STAC: variants seen among roughly 807,000 people sequenced by gnomAD.
The protein encoded by STAC is SH3 and cysteine rich domain, also known as SH3 and cysteine-rich domain-containing protein.
In STAC, 43 loss-of-function variants were observed where a neutral mutation model predicts 48.8. That is an observed-to-expected ratio of 0.88 (90% CI 0.69 to 1.14). STAC has a LOEUF of 1.14. Among genes scored for constraint, STAC ranks in the 50% most tolerant of loss-of-function variants. The pLI is 0.00. For missense variants in STAC, 497 were observed against 504.0 expected, an observed-to-expected ratio of 0.99 and a Z score of 0.13; for synonymous variants, 193 against 179.5, an observed-to-expected ratio of 1.07 and a Z score of -0.60.
At chr3:36,448,144 A>G (rs1398804525) in intron 2 of STAC, among the ~76,000 whole-genome samples, 1 of 146,688 alleles carries the variant, frequency 6.8e-6, no homozygotes, top group Non-Finnish European at 1.5e-5. Context: ...AATCCTACTA[A>G]TTATGGTCAC....
chr3:36,440,524 G>A (rs912447368), intron 1 of STAC, among the ~76,000 whole-genome samples: 7 of 152,192 alleles, frequency 4.6e-5, no homozygotes, highest in African/African-American at 1.7e-4. Flanking sequence ...AGTTTGGTAG[G>A]TTTCTAGAGG....
chr3:36,429,733 G>C (rs1033109649), intron 1 of STAC, among the ~76,000 whole-genome samples: 1 of 152,176 alleles, frequency 6.6e-6, no homozygotes, highest in East Asian at 1.9e-4. Flanking sequence ...CAGGCCTCAG[G>C]GTCCACAGGA....
At chr3:36,445,122 G>C (rs1696472131) in intron 2 of STAC, among the ~76,000 whole-genome samples, 1 of 152,162 alleles carries the variant, frequency 6.6e-6, no homozygotes, top group African/African-American at 2.4e-5. Flanking sequence ...AAAGACAGAG[G>C]ATGTGTTTTT....
At chr3:36,530,764 T>A (rs544041261) in intron 10 of STAC, among the ~76,000 whole-genome samples, 1 of 151,874 alleles carries the variant, frequency 6.6e-6, no homozygotes, top group South Asian at 2.1e-4. Context: ...CCTGGCTAAT[T>A]TTTTTATATT....
chr3:36,386,552 T>C (rs1203953031), intron 1 of STAC, among the ~76,000 whole-genome samples: 1 of 152,068 alleles, frequency 6.6e-6, no homozygotes, highest in Non-Finnish European at 1.5e-5. Context: ...TTAGATATTC[T>C]ATTATTATTT....
chr3:36,516,158 A>G lies in STAC; in HGVS notation c.920+10324A>G, dbSNP rs866078492. On this transcript the variant is annotated intron_variant, in intron 8 of 10. Coordinates refer to ENST00000273183, the MANE Select transcript of STAC (RefSeq NM_003149.3). ...GCCACCACGCCCCACTAATTTTTGC[A>G]TTTTTAGTAGAAACGGGGTTTCATC... 5.3e-5 allele frequency among the ~76,000 whole-genome samples: 8 copies of G among 151,404 alleles called. No homozygotes were observed. In the Middle Eastern group the frequency reaches 0.01, roughly 193 times the overall value.
chr3:36,385,896 T>C (rs764345533), intron 1 of STAC, among the ~76,000 whole-genome samples: 2 of 152,124 alleles, frequency 1.3e-5, no homozygotes, highest in Admixed American at 1.3e-4. Context: ...ACTCTACTGA[T>C]GATGGACATT....
At chr3:36,423,681 T>C (rs147053073) in intron 1 of STAC, among the ~76,000 whole-genome samples, 1,564 of 152,238 alleles carry the variant, frequency 0.01, 17 homozygotes, top group Non-Finnish European at 0.018. Context: ...AGTTTCTTTT[T>C]TTGTACTGTA....
In STAC at chr3:36,529,220, G is replaced by A. The variant is rs563205907; in HGVS notation, c.1110+235G>A. The A allele has an allele frequency of 1.4e-4, 41 of 292,190 alleles. No individual in the cohort carries two copies. In the South Asian group the frequency reaches 3.2e-3, roughly 23 times the overall value. The allele number at this position is 292,190 out of a possible 1,614,324, so 18.1% of individuals were successfully genotyped here. On this transcript the variant is annotated intron_variant, in intron 10 of 10. Coordinates refer to ENST00000273183, the MANE Select transcript of STAC (RefSeq NM_003149.3). ...TAAACGAAACGTGATAGTGGCAGGC[G>A]ACGACATCTCGTCCCCCATGCTCTT...
At chr3:36,518,758 C>T (rs1261344113) in intron 8 of STAC, among the ~76,000 whole-genome samples, 1 of 152,176 alleles carries the variant, frequency 6.6e-6, no homozygotes, top group African/African-American at 2.4e-5. Context: ...TTTCAAAGCA[C>T]TACTTTAAAA....
At chr3:36,485,489 G>T (rs1697780505) in intron 4 of STAC, among the ~76,000 whole-genome samples, 1 of 152,132 alleles carries the variant, frequency 6.6e-6, no homozygotes, top group Admixed American at 6.5e-5. Context: ...ATAAATATAG[G>T]TTATTCACCC....
chr3:36,454,980 CTTGTA>C (rs1405609349), intron 2 of STAC, among the ~76,000 whole-genome samples: 1 of 152,082 alleles, frequency 6.6e-6, no homozygotes, highest in Non-Finnish European at 1.5e-5. Context: ...TAAAAAGAGA[CTTGTA>C]TTGTAGGAGC....
intron 10 of STAC, among the ~76,000 whole-genome samples, chr3:36,544,909 A>G (rs945898929): frequency 3.3e-5 from 5 of 152,232 alleles, no homozygotes; most frequent in Admixed American, 1.3e-4. Flanking sequence ...TTTCTCACAC[A>G]GTAGATCTCT....
rs559856972 is a variant in STAC, at chr3:36,429,160, G to A, written c.112-14204G>A. Among the ~76,000 whole-genome samples the A allele has an allele frequency of 3.9e-5, 6 of 152,228 alleles. No homozygotes were observed. In the East Asian group the frequency reaches 1.2e-3, roughly 29 times the overall value. ...AGTCAAGGATGATTCCAAGGTTTGA[G>A]GTCTATTAACTAGATAAAATGCTAT... is the stretch of plus-strand genomic sequence containing the variant. On this transcript the variant is annotated intron_variant, in intron 1 of 10. Coordinates refer to ENST00000273183, the MANE Select transcript of STAC (RefSeq NM_003149.3).
intron 2 of STAC, among the ~76,000 whole-genome samples, chr3:36,482,343 G>C (rs987503228): frequency 6.6e-6 from 1 of 152,164 alleles, no homozygotes; most frequent in Non-Finnish European, 1.5e-5. Context: ...GAAGATACCA[G>C]GATGGCTCTC....
chr3:36,408,377 G>A (rs1229145146), intron 1 of STAC, among the ~76,000 whole-genome samples: 1 of 151,902 alleles, frequency 6.6e-6, no homozygotes, highest in East Asian at 1.9e-4. Flanking sequence ...CTCCACCAGG[G>A]GTCTCTGTAT....
intron 10 of STAC, 72 bp downstream of exon 10, chr3:36,529,057 G>A (rs1699006123): frequency 1.4e-6 from 2 of 1,405,016 alleles, no homozygotes; most frequent in Non-Finnish European, 1.9e-6. Context: ...TTAATAATAT[G>A]TATAAATCTG....
At chr3:36,521,979 C>T (rs1322934996) in intron 8 of STAC, among the ~76,000 whole-genome samples, 3 of 151,992 alleles carry the variant, frequency 2.0e-5, no homozygotes, top group African/African-American at 7.3e-5. Flanking sequence ...GTCCCAGATA[C>T]TTGGGAGGCT....
chr3:36,545,527 A>G (rs1699425307), intron 10 of STAC, among the ~76,000 whole-genome samples: 3 of 152,278 alleles, frequency 2.0e-5, no homozygotes, highest in Admixed American at 6.5e-5. Flanking sequence ...CAACACAACA[A>G]TAGTTCTGTT....
Sources: allele counts gnomAD v4.1 joint callset (sites outside exome capture counted in the v4.1 genomes callset), GRCh38; gene constraint gnomAD v4.1.1; transcripts MANE v1.5; gene names NCBI Gene and HGNC (gene_info 2026-07-23, HGNC 2026-07-21).